Variants in MAP4K4 observed in about 807,000 individuals in gnomAD.
MAP4K4 encodes HPK/GCK-like kinase HGK.
A neutral mutation model predicts 189.6 loss-of-function variants in MAP4K4; 38 were observed. The ratio of observed to expected loss-of-function variants is 0.20; its 90% CI spans 0.15 to 0.26. The LOEUF (loss-of-function observed/expected upper bound fraction) is 0.26. Among genes scored for constraint, MAP4K4 ranks in the 10% least tolerant of loss-of-function variants. The pLI, the probability that MAP4K4 is intolerant of heterozygous loss-of-function variation, is 1.00. For missense variants in MAP4K4, 1,054 were observed against 1,726.9 expected (o/e 0.61, Z 6.91); for synonymous variants, 610 against 624.3 (o/e 0.98, Z 0.34).
chr2:101,868,896 G>C (rs1477828104), intron 21 of MAP4K4, among the ~76,000 whole-genome samples: 1 of 151,782 alleles, frequency 6.6e-6, no homozygotes, highest in African/African-American at 2.4e-5. Context: ...TATATACACA[G>C]ATCCTTGAGC....
chr2:101,769,559 C>T (rs1215833448), intron 2 of MAP4K4, among the ~76,000 whole-genome samples: 1 of 151,804 alleles, frequency 6.6e-6, no homozygotes, highest in African/African-American at 2.4e-5. Flanking sequence ...AGATTGTGTT[C>T]TTATGATGCT....
At chr2:101,882,522 A>T in intron 27 of MAP4K4, 29 bp from the exon 28 acceptor site, 2 of 1,522,494 alleles carry the variant, frequency 1.3e-6, no homozygotes, top group Non-Finnish European at 1.8e-6. Context: ...CTGGATATGC[A>T]TGTAAAATAT....
chr2:101,851,853 C>A (rs951920988), intron 12 of MAP4K4, among the ~76,000 whole-genome samples: 1 of 144,486 alleles, frequency 6.9e-6, no homozygotes, highest in Non-Finnish European at 1.5e-5. Flanking sequence ...TTGTCTTCTA[C>A]GTTTTTTTAA....
At chr2:101,848,624 C>T (rs1272312515) in intron 12 of MAP4K4, among the ~76,000 whole-genome samples, 2 of 152,192 alleles carry the variant, frequency 1.3e-5, no homozygotes, top group East Asian at 1.9e-4. Context: ...GGGATTTCTC[C>T]TGCCATCCAC....
intron 12 of MAP4K4, among the ~76,000 whole-genome samples, chr2:101,845,711 A>G (rs550193351): frequency 1.3e-5 from 2 of 152,322 alleles, no homozygotes; most frequent in East Asian, 3.9e-4. Flanking sequence ...AAACATGGCT[A>G]TTTCACTTGG....
chr2:101,742,169 T>C (rs2063126369), intron 2 of MAP4K4, among the ~76,000 whole-genome samples: 1 of 152,118 alleles, frequency 6.6e-6, no homozygotes, highest in Non-Finnish European at 1.5e-5. Context: ...CACTCTTGGG[T>C]TGGGCTCAGC....
chr2:101,842,741 G>A, intron 11 of MAP4K4, 60 bp downstream of exon 11: 1 of 1,347,842 alleles, frequency 7.4e-7, no homozygotes, highest in African/African-American at 1.4e-5. Context: ...TTTATGTTGT[G>A]CCAGGACTGC....
chr2:101,796,522 A>G (rs997967780), intron 3 of MAP4K4, among the ~76,000 whole-genome samples: 1 of 152,188 alleles, frequency 6.6e-6, no homozygotes, highest in African/African-American at 2.4e-5. Flanking sequence ...TTGATTCCCT[A>G]CTTACTGTAC....
chr2:101,716,310 GCA>G, intron 2 of MAP4K4, among the ~76,000 whole-genome samples: 1 of 152,104 alleles, frequency 6.6e-6, no homozygotes, highest in Non-Finnish European at 1.5e-5. Context: ...GGGCGTGGTG[GCA>G]GGTGCCTGTA....
intron 2 of MAP4K4, among the ~76,000 whole-genome samples, chr2:101,745,863 T>G (rs2065244657): frequency 6.6e-6 from 1 of 150,952 alleles, no homozygotes; most frequent in Non-Finnish European, 1.5e-5. Context: ...TTCCTTTGAG[T>G]GAGTCTGCTA....
intron 2 of MAP4K4, among the ~76,000 whole-genome samples, chr2:101,699,049 A>G (rs1414764823): frequency 6.6e-6 from 1 of 152,154 alleles, no homozygotes; most frequent in Admixed American, 6.5e-5. Flanking sequence ...CATCCTTTCT[A>G]TTGATGGATA....
chr2:101,872,455 G>A (rs975501112), intron 24 of MAP4K4, among the ~76,000 whole-genome samples: 1 of 152,134 alleles, frequency 6.6e-6, no homozygotes, highest in African/African-American at 2.4e-5. Flanking sequence ...CTTTGAACAG[G>A]GTTATACTCC....
At chr2:101,771,823 A>G (rs1437005533) in intron 2 of MAP4K4, among the ~76,000 whole-genome samples, 1 of 152,228 alleles carries the variant, frequency 6.6e-6, no homozygotes. Context: ...AAGACTCCCA[A>G]TTGACCCTAC....
intron 4 of MAP4K4, 59 bp from the exon 5 acceptor site, chr2:101,825,260 C>A (rs2096294792): frequency 1.5e-4 from 157 of 1,045,952 alleles, no homozygotes; most frequent in Non-Finnish European, 1.8e-4. Context: ...GGCGGTTAAA[C>A]TGGTTTTCCC....
intron 13 of MAP4K4, among the ~76,000 whole-genome samples, chr2:101,857,077 TG>T (rs2097493494): frequency 6.6e-6 from 1 of 152,204 alleles, no homozygotes; most frequent in Non-Finnish European, 1.5e-5. Flanking sequence ...TGTTTATACC[TG>T]GGGTCTGCAA....
chr2:101,856,959 C>T (rs7586791), intron 13 of MAP4K4, among the ~76,000 whole-genome samples: 13,515 of 152,246 alleles, frequency 0.089, 1,695 homozygotes, highest in African/African-American at 0.28. Flanking sequence ...CTTGGGTCTG[C>T]ATGCTCCTCG....
chr2:101,742,721 C>G (rs1443385666), intron 2 of MAP4K4, among the ~76,000 whole-genome samples: 2 of 152,064 alleles, frequency 1.3e-5, no homozygotes, highest in African/African-American at 2.4e-5. Flanking sequence ...ATTGCAGGGT[C>G]AAGCAGGTAA....
At chr2:101,703,541 C>G (rs1359593340) in intron 2 of MAP4K4, among the ~76,000 whole-genome samples, 3 of 141,412 alleles carry the variant, frequency 2.1e-5, no homozygotes, top group Non-Finnish European at 3.0e-5. Context: ...TCGCTTGAAC[C>G]TAGGAGGTGG....
chr2:101,821,535 A>G (rs1186643858), intron 3 of MAP4K4, among the ~76,000 whole-genome samples: 1 of 152,232 alleles, frequency 6.6e-6, no homozygotes, highest in Non-Finnish European at 1.5e-5. Context: ...TTGTCAAAAT[A>G]TGTTATAAAA....
Sources: allele counts gnomAD v4.1 joint callset (sites outside exome capture counted in the v4.1 genomes callset), GRCh38; gene constraint gnomAD v4.1.1; transcripts MANE v1.5; gene names NCBI Gene and HGNC (gene_info 2026-07-23, HGNC 2026-07-21).